UACA: variants seen among roughly 807,000 people sequenced by gnomAD.
The protein encoded by UACA is nuclear membrane binding protein.
UACA carries 112 observed loss-of-function variants against 160.5 expected under a neutral mutation model. The ratio of observed to expected loss-of-function variants is 0.70; its 90% CI spans 0.60 to 0.82. The LOEUF is 0.82. UACA is among the 40% of genes least tolerant of loss of function. UACA has a pLI of 0.00. For synonymous variants in UACA, 557 were observed against 568.4 expected (o/e 0.98, Z 0.29); for missense variants, 1,574 against 1,614.6 (o/e 0.97, Z 0.43).
At chr15:70,658,246 A>G (rs542774252) in intron 18 of UACA, among the ~76,000 whole-genome samples, 25 of 152,348 alleles carry the variant, frequency 1.6e-4, no homozygotes, top group Middle Eastern at 3.4e-3. Flanking sequence ...AAATTATTGT[A>G]TAATATCCAC....
intron 1 of UACA, among the ~76,000 whole-genome samples, chr15:70,728,939 G>A (rs1367831676): frequency 1.3e-5 from 2 of 152,138 alleles, no homozygotes; most frequent in Non-Finnish European, 2.9e-5. Context: ...ATGAAAAAAT[G>A]CTCAGCAACA....
At chr15:70,739,897 T>C (rs1024029685) in intron 1 of UACA, among the ~76,000 whole-genome samples, 1 of 152,202 alleles carries the variant, frequency 6.6e-6, no homozygotes, top group Admixed American at 6.5e-5. Flanking sequence ...ACTTCATGCA[T>C]GACCCTGGCA....
chr15:70,705,690 A>G (rs960819982), intron 1 of UACA, among the ~76,000 whole-genome samples: 3 of 152,200 alleles, frequency 2.0e-5, no homozygotes, highest in Non-Finnish European at 2.9e-5. Flanking sequence ...CGAGTAAACC[A>G]TGGTTTCTTA....
At chr15:70,761,207 T>C (rs975242525) in intron 1 of UACA, among the ~76,000 whole-genome samples, 2 of 152,228 alleles carry the variant, frequency 1.3e-5, no homozygotes, top group Non-Finnish European at 2.9e-5. Flanking sequence ...TTTGCTTGTA[T>C]ATGCTAAGCT....
chr15:70,710,903 T>C (rs1184189307), intron 1 of UACA, among the ~76,000 whole-genome samples: 3 of 152,212 alleles, frequency 2.0e-5, no homozygotes, highest in Non-Finnish European at 2.9e-5. Context: ...ACTTTTTACA[T>C]CACTGGCCAT....
chr15:70,658,349 T>C (rs1057111851), intron 18 of UACA, among the ~76,000 whole-genome samples: 3 of 152,172 alleles, frequency 2.0e-5, no homozygotes, highest in African/African-American at 4.8e-5. Context: ...AGAGAAGAAA[T>C]TGCTGGGTCA....
At chr15:70,662,170 G>A (rs1896731855) in intron 17 of UACA, among the ~76,000 whole-genome samples, 1 of 152,016 alleles carries the variant, frequency 6.6e-6, no homozygotes, top group Non-Finnish European at 1.5e-5. Flanking sequence ...AAGTCTCAGG[G>A]TACAAAATCA....
chr15:70,679,675 C>T lies in UACA; in HGVS notation c.824G>A (p.Arg275Gln), dbSNP rs777479598. The change falls in exon 10 of 19, where the codon CGA becomes CAA. Residue 275 changes from arginine (R) to glutamine (Q), a missense_variant and splice_region_variant. Arg to Gln is a conservative substitution (Grantham distance 43). Transcript: ENST00000322954. ...TTCATCTTGCATGTGTGTCAAATTT[C>T]GCTTTGGTAAAACATAAGAAAACAC... ...LWKKGPSLQQ[R>Q]NLTHMQDEVN... is the part of the protein sequence containing the mutation. 30 of 1,585,098 alleles carry T rather than the reference C, an allele frequency of 1.9e-5. No homozygotes were observed. Among genetic ancestry groups the T allele is most frequent in the East Asian group, 1.2e-4 (5 of 42,218 alleles).
At chr15:70,700,900 C>A (rs926376055) in intron 1 of UACA, among the ~76,000 whole-genome samples, 1 of 151,868 alleles carries the variant, frequency 6.6e-6, no homozygotes, top group African/African-American at 2.4e-5. Flanking sequence ...GAGAAAAAAA[C>A]TGAATCACCT....
chr15:70,677,908 C>G (rs1897346936), intron 11 of UACA, among the ~76,000 whole-genome samples, 191 bp downstream of exon 11: 1 of 152,126 alleles, frequency 6.6e-6, no homozygotes, highest in Non-Finnish European at 1.5e-5. Flanking sequence ...CCTGAACATT[C>G]TTTACACTGT....
intron 1 of UACA, among the ~76,000 whole-genome samples, chr15:70,747,332 C>T (rs1899741486): frequency 6.6e-6 from 1 of 150,732 alleles, no homozygotes; most frequent in Admixed American, 6.6e-5. Flanking sequence ...CAACCTCCAC[C>T]TCCCAGGTTC....
chr15:70,722,865 GA>G (rs35158460), intron 1 of UACA, among the ~76,000 whole-genome samples: 6 of 151,828 alleles, frequency 4.0e-5, no homozygotes, highest in African/African-American at 1.2e-4. Flanking sequence ...AATTCAGTTT[GA>G]AAAAAATTAA....
At chr15:70,746,065 T>C (rs185718730) in intron 1 of UACA, among the ~76,000 whole-genome samples, 4 of 152,256 alleles carry the variant, frequency 2.6e-5, no homozygotes, top group Non-Finnish European at 5.9e-5. Flanking sequence ...ATTCAAGATA[T>C]AGGCATGGGA....
At chr15:70,695,148 A>C (rs1342217343) in intron 2 of UACA, 43 bp from the exon 3 acceptor site, 1 of 1,442,438 alleles carries the variant, frequency 6.9e-7, no homozygotes, top group African/African-American at 1.4e-5. Flanking sequence ...GAAACAACCA[A>C]AGGTCACCTT....
intron 1 of UACA, chr15:70,754,281 C>T (rs145175510): frequency 1.1e-5 from 4 of 369,036 alleles, no homozygotes; most frequent in Non-Finnish European, 2.1e-5. Flanking sequence ...TACAACAGTA[C>T]AAAAGCTACA....
intron 1 of UACA, among the ~76,000 whole-genome samples, chr15:70,709,593 G>A (rs548012698): frequency 6.6e-6 from 1 of 152,228 alleles, no homozygotes; most frequent in South Asian, 2.1e-4. Flanking sequence ...ATTCCACCAT[G>A]CAGAAATAAC....
At chr15:70,694,209 C>G (rs1898043828) in intron 3 of UACA, among the ~76,000 whole-genome samples, 1 of 151,652 alleles carries the variant, frequency 6.6e-6, no homozygotes, top group Non-Finnish European at 1.5e-5. Flanking sequence ...AATGTTTATC[C>G]TGATAGATAG....
intron 18 of UACA, among the ~76,000 whole-genome samples, chr15:70,658,987 TGTTA>T (rs559723540): frequency 1.2e-4 from 19 of 152,292 alleles, no homozygotes; most frequent in African/African-American, 3.8e-4. Context: ...TGGAAAGGCT[TGTTA>T]GTTTGCTGTA....
At position 70,753,061 on chromosome 15, in the gene UACA, AG is replaced by A. The variant is rs1415413482; in HGVS notation, c.78+10268del. 5.9e-5 allele frequency among the ~76,000 whole-genome samples: 9 copies of A among 152,246 alleles called. No homozygotes were observed. The East Asian group carries it at 1.7e-3, about 29-fold the overall frequency. ...TGTTTTAAATATCAGGGAAGGTAACAGAAGCACAGCTATAGTGAGACAGACA... is the reference window on the plus strand; with the variant it reads ...TGTTTTAAATATCAGGGAAGGTAACAAAGCACAGCTATAGTGAGACAGACA... On this transcript the variant is annotated intron_variant, in intron 1 of 18. Transcript: ENST00000322954.
Sources: allele counts gnomAD v4.1 joint callset (sites outside exome capture counted in the v4.1 genomes callset), GRCh38; gene constraint gnomAD v4.1.1; transcripts MANE v1.5; gene names NCBI Gene and HGNC (gene_info 2026-07-23, HGNC 2026-07-21).